PLEKHH2: variants seen among roughly 807,000 people sequenced by gnomAD.
PLEKHH2 encodes pleckstrin homology, MyTH4 and FERM domain containing H2, also known as pleckstrin homology domain-containing family H member 2.
PLEKHH2 carries 129 observed loss-of-function variants against 187.9 expected under a neutral mutation model. The ratio of observed to expected loss-of-function variants is 0.69; its 90% CI spans 0.59 to 0.79. PLEKHH2 has a LOEUF of 0.79. Ranked by LOEUF, PLEKHH2 falls within the 30% of genes least tolerant of loss-of-function variation. PLEKHH2 has a pLI of 0.00. For missense variants in PLEKHH2, 2,076 were observed against 1,751.2 expected (o/e 1.19, Z -3.31); for synonymous variants, 686 against 605.6 (o/e 1.13, Z -1.95).
chr2:43,666,062 C>T (rs1242393223), intron 2 of PLEKHH2, among the ~76,000 whole-genome samples: 5 of 149,370 alleles, frequency 3.3e-5, no homozygotes, highest in Middle Eastern at 3.2e-3. Flanking sequence ...GGCGGGCTCC[C>T]CTCCCCCAGC....
At chr2:43,678,776 A>C in intron 2 of PLEKHH2, 87 bp from the exon 3 acceptor site, 1 of 603,768 alleles carries the variant, frequency 1.7e-6, no homozygotes. Flanking sequence ...AGGTGGAGGT[A>C]GAATTATGAG....
intron 3 of PLEKHH2, 34 bp from the exon 4 acceptor site, chr2:43,692,480 C>T: frequency 3.3e-6 from 5 of 1,508,650 alleles, no homozygotes; most frequent in Non-Finnish European, 4.5e-6. Context: ...CCTGAGTACA[C>T]ACACAATTTT....
At chr2:43,758,160 G>T (rs1672288945) in intron 26 of PLEKHH2, among the ~76,000 whole-genome samples, 1 of 152,156 alleles carries the variant, frequency 6.6e-6, no homozygotes, top group African/African-American at 2.4e-5. Flanking sequence ...AATTTGATTT[G>T]ACAAGTTTCA....
chr2:43,742,963 C>A, intron 22 of PLEKHH2, 45 bp downstream of exon 22: 2 of 1,391,010 alleles, frequency 1.4e-6, no homozygotes, highest in African/African-American at 1.5e-5. Context: ...ATCCTATGTA[C>A]AACCTCTGTT....
chr2:43,659,361 C>T (rs1666953168), intron 2 of PLEKHH2, among the ~76,000 whole-genome samples: 1 of 151,228 alleles, frequency 6.6e-6, no homozygotes, highest in African/African-American at 2.4e-5. Flanking sequence ...TGCTGTTTTT[C>T]TTCTTTTTTT....
intron 2 of PLEKHH2, among the ~76,000 whole-genome samples, chr2:43,668,623 CT>C (rs1228155824): frequency 6.6e-6 from 1 of 152,102 alleles, no homozygotes; most frequent in East Asian, 1.9e-4. Context: ...ATTCTTTCTT[CT>C]GGAAGGTTCT....
intron 15 of PLEKHH2, among the ~76,000 whole-genome samples, chr2:43,712,880 C>T (rs1436100486): frequency 6.6e-6 from 1 of 151,952 alleles, no homozygotes; most frequent in African/African-American, 2.4e-5. Flanking sequence ...TAAGAGGTGG[C>T]ACTTTTTAAA....
chr2:43,703,883 G>C (rs1310877795), intron 8 of PLEKHH2, 98 bp from the exon 9 acceptor site: 8 of 745,572 alleles, frequency 1.1e-5, no homozygotes, highest in South Asian at 9.1e-5. Context: ...CTTAAATGAA[G>C]AACAAATGAA....
At chr2:43,757,526 C>G (rs574935044) in intron 26 of PLEKHH2, among the ~76,000 whole-genome samples, 2 of 151,032 alleles carry the variant, frequency 1.3e-5, no homozygotes, top group African/African-American at 4.9e-5. Context: ...TACAGCCATT[C>G]TCATGCCTCA....
chr2:43,726,258 A>C lies in PLEKHH2; in HGVS notation c.2542-14A>C. ...AGAAAATGCCTTCCTCACAATTACT[A>C]ATATTTACTTTAGTTTCCTTTAGGT... is the stretch of plus-strand genomic sequence containing the variant. On this transcript the variant is annotated splice_polypyrimidine_tract_variant and intron_variant, in intron 16 of 29. Transcript: ENST00000282406. The C allele has an allele frequency of 6.4e-7, 1 of 1,565,204 alleles. No homozygotes were observed. Among genetic ancestry groups the C allele is most frequent in the East Asian group, 2.2e-5 (1 of 44,466 alleles).
intron 12 of PLEKHH2, 25 bp from the exon 13 acceptor site, chr2:43,710,195 C>G: frequency 6.2e-7 from 1 of 1,611,460 alleles, no homozygotes; most frequent in Non-Finnish European, 8.5e-7. Context: ...ACTGAAAATG[C>G]TTTTGTCTAT....
chr2:43,756,535 T>C (rs1200177018), intron 25 of PLEKHH2, among the ~76,000 whole-genome samples: 1 of 152,188 alleles, frequency 6.6e-6, no homozygotes, highest in African/African-American at 2.4e-5. Context: ...AAAATTGTCC[T>C]TGCAGACAAT....
At position 43,706,061 on chromosome 2, in the gene PLEKHH2, A is replaced by T. The variant is rs564341847; in HGVS notation, c.1727-261A>T. Among the ~76,000 whole-genome samples, 4 of 152,368 alleles carry T rather than the reference A, an allele frequency of 2.6e-5. No homozygotes were observed. In the South Asian group the frequency reaches 6.2e-4, roughly 24 times the overall value. ...GCATGCATGGAGATTTCAAGGAAAT[A>T]AAAGCTATGGTTCTTGCTCTCAAAG... On this transcript the variant is annotated intron_variant, in intron 9 of 29. Transcript: ENST00000282406.
At position 43,726,289 on chromosome 2, in the gene PLEKHH2, C is replaced by G. The variant is rs773946621; in HGVS notation, c.2559C>G (p.Ile853Met). Residue 853 changes from isoleucine to methionine, a missense_variant, in exon 17 of 30, where the codon ATC becomes ATG. Physicochemically the swap from Ile to Met is conservative, Grantham distance 10 (BLOSUM62 1). Transcript: ENST00000282406. Reference protein sequence around the residue: ...SQEDKFPLGQIKLWEAKVEEV... With the variant: ...SQEDKFPLGQMKLWEAKVEEV... ...TACTTTAGTTTCCTTTAGGTCAGAT[C>G]AAACTCTGGGAGGCTAAAGTGGAAG... 2 of 1,610,260 alleles carry G rather than the reference C, an allele frequency of 1.2e-6. No individual in the cohort carries two copies. Among genetic ancestry groups the G allele is most frequent in the Non-Finnish European group, 1.7e-6 (2 of 1,176,698 alleles).
chr2:43,685,261 C>T (rs1451333511), intron 3 of PLEKHH2, among the ~76,000 whole-genome samples: 1 of 152,186 alleles, frequency 6.6e-6, no homozygotes. Context: ...AAAGCCAGTG[C>T]AACTCTATAG....
chr2:43,650,544 G>T (rs1195272669), intron 2 of PLEKHH2, among the ~76,000 whole-genome samples: 3 of 152,000 alleles, frequency 2.0e-5, no homozygotes, highest in African/African-American at 7.3e-5. Flanking sequence ...TGTCTGCATT[G>T]CTTTTTTGAG....
Position 43,697,160 on chromosome 2 carries a change from C to T in PLEKHH2, c.503-11C>T. ...AAATTCAAATCTTAATTTTGATTAACGATGTTGTAGAAGTTCAAGGAAAGA... is the reference window on the plus strand; with the variant it reads ...AAATTCAAATCTTAATTTTGATTAATGATGTTGTAGAAGTTCAAGGAAAGA... On this transcript the variant is annotated splice_polypyrimidine_tract_variant and intron_variant, in intron 6 of 29. Transcript: ENST00000282406. 5.2e-6 allele frequency: 8 copies of T among 1,536,742 alleles called. No homozygotes were observed. Among genetic ancestry groups the T allele is most frequent in the East Asian group, 2.3e-5 (1 of 43,228 alleles).
chr2:43,644,661 A>T lies in PLEKHH2; in HGVS notation c.-3-10A>T, dbSNP rs775330078. The T allele has an allele frequency of 3.1e-5, 47 of 1,512,018 alleles. No individual in the cohort carries two copies. The highest frequency in any genetic ancestry group is 3.8e-5 in the Non-Finnish European group (43 of 1,128,276). The allele number at this position is 1,512,018 out of a possible 1,614,324, so 93.7% of individuals were successfully genotyped here. Reference sequence around the variant, plus strand: ...TTTTAATTTTTTGTTTATTTATTTAATTTTTTTAGAATATGGCAGAGCTTT... The same window carrying T: ...TTTTAATTTTTTGTTTATTTATTTATTTTTTTTAGAATATGGCAGAGCTTT... On this transcript the variant is annotated splice_polypyrimidine_tract_variant and intron_variant, in intron 1 of 29. Coordinates refer to ENST00000282406, the MANE Select transcript of PLEKHH2 (RefSeq NM_172069.4).
At chr2:43,747,514 G>A (rs747306116) in intron 24 of PLEKHH2, among the ~76,000 whole-genome samples, 13 of 152,160 alleles carry the variant, frequency 8.5e-5, no homozygotes, top group South Asian at 6.2e-4. Flanking sequence ...AGAAAATGCC[G>A]GAGACTCCGG....
Sources: allele counts gnomAD v4.1 joint callset (sites outside exome capture counted in the v4.1 genomes callset), GRCh38; gene constraint gnomAD v4.1.1; transcripts MANE v1.5; gene names NCBI Gene and HGNC (gene_info 2026-07-23, HGNC 2026-07-21).